The following FAM13C variants were observed in gnomAD, a reference collection of about 807,000 sequenced individuals.
FAM13C encodes family with sequence similarity 13 member C.
Under a neutral mutation model 73.2 loss-of-function variants are expected in FAM13C, and 37 were observed. That is an observed-to-expected ratio of 0.51 (90% CI 0.39 to 0.67). FAM13C has a LOEUF of 0.67. FAM13C is among the 30% of genes least tolerant of loss of function. The probability of loss-of-function intolerance (pLI) is 0.00; values close to 1 mark genes in which losing one functional copy is unlikely to be tolerated. For missense variants in FAM13C, 589 were observed against 715.6 expected (o/e 0.82, Z 2.02); for synonymous variants, 246 against 260.9 (o/e 0.94, Z 0.55).
chr10:59,250,449 A>C (rs1841263608), intron 13 of FAM13C, among the ~76,000 whole-genome samples: 1 of 152,254 alleles, frequency 6.6e-6, no homozygotes, highest in Non-Finnish European at 1.5e-5. Context: ...GATTGTAAGT[A>C]GAAAATAAGT....
rs187875803 is a variant in FAM13C, at chr10:59,279,483, A to G, written c.592+3880T>C. On this transcript the variant is annotated intron_variant, in intron 6 of 13. Coordinates refer to ENST00000618804, the MANE Select transcript of FAM13C (RefSeq NM_198215.4). ...ATCAAGATTTTAGAAAAATATAATA[A>G]AGTACTGCTATGGAATTATTATTTT... Among the ~76,000 whole-genome samples, 23 of 152,330 alleles carry G rather than the reference A, an allele frequency of 1.5e-4. No homozygotes were observed. The East Asian group carries it at 3.7e-3, about 24-fold the overall frequency.
chr10:59,304,906 G>T (rs79574254), intron 4 of FAM13C, among the ~76,000 whole-genome samples: 4,692 of 150,428 alleles, frequency 0.031, 137 homozygotes, highest in Admixed American at 0.087. Flanking sequence ...GTTGAAAAGA[G>T]TCTGGCTTCC....
chr10:59,320,721 C>G (rs901995394), intron 4 of FAM13C, among the ~76,000 whole-genome samples: 3 of 152,214 alleles, frequency 2.0e-5, no homozygotes, highest in Non-Finnish European at 4.4e-5. Flanking sequence ...TTCGTTACAG[C>G]TCGGCGTTTG....
At chr10:59,296,557 G>A (rs1846949142) in intron 5 of FAM13C, among the ~76,000 whole-genome samples, 1 of 152,114 alleles carries the variant, frequency 6.6e-6, no homozygotes, top group Non-Finnish European at 1.5e-5. Flanking sequence ...CTCCTTTGTA[G>A]AATAAGACTG....
intron 5 of FAM13C, among the ~76,000 whole-genome samples, chr10:59,297,661 T>C (rs759312879): frequency 2.0e-5 from 3 of 152,208 alleles, no homozygotes; most frequent in Non-Finnish European, 4.4e-5. Flanking sequence ...CACTTCACTA[T>C]GGCTGGCTGC....
Position 59,247,518 on chromosome 10 carries a change from A to AT in FAM13C, c.*95dup. 1 of 1,513,288 alleles carries AT rather than the reference A, an allele frequency of 6.6e-7. No homozygotes were observed. The highest frequency in any genetic ancestry group is 9.1e-7 in the Non-Finnish European group (1 of 1,103,124). The allele number at this position is 1,513,288 out of a possible 1,614,324, so 93.7% of individuals were successfully genotyped here. A position where few individuals can be genotyped will look rare whatever the true frequency, so the allele number is the denominator to read the frequency against. ...CTAATACTACCACTAAAGTGCTTCC[A>AT]TTTTCATTGTGTCAAAACTACTTAG... On this transcript the variant is annotated 3_prime_UTR_variant, in exon 14 of 14. Coordinates refer to ENST00000618804, the MANE Select transcript of FAM13C (RefSeq NM_198215.4).
At chr10:59,278,031 C>A (rs1844512259) in intron 6 of FAM13C, among the ~76,000 whole-genome samples, 1 of 152,150 alleles carries the variant, frequency 6.6e-6, no homozygotes, top group Admixed American at 6.5e-5. Flanking sequence ...GCTGTGGAAG[C>A]CTAACATTCA....
At chr10:59,356,323 A>G (rs1219182727) in intron 1 of FAM13C, among the ~76,000 whole-genome samples, 1 of 152,194 alleles carries the variant, frequency 6.6e-6, no homozygotes, top group African/African-American at 2.4e-5. Flanking sequence ...TTTCTGCTTC[A>G]GGCAGTCCCA....
intron 11 of FAM13C, among the ~76,000 whole-genome samples, 182 bp from the exon 12 acceptor site, chr10:59,253,180 A>G (rs1472906077): frequency 1.3e-5 from 2 of 152,224 alleles, no homozygotes; most frequent in East Asian, 3.8e-4. Context: ...TTAAAAACCT[A>G]CAGAAGTTAA....
intron 1 of FAM13C, among the ~76,000 whole-genome samples, chr10:59,360,388 A>T (rs1856246752): frequency 6.6e-6 from 1 of 152,154 alleles, no homozygotes; most frequent in South Asian, 2.1e-4. Flanking sequence ...GGGTGGGGAC[A>T]GGAGGCAGAG....
At chr10:59,267,462 G>A (rs968069870) in intron 8 of FAM13C, among the ~76,000 whole-genome samples, 1 of 152,142 alleles carries the variant, frequency 6.6e-6, no homozygotes, top group African/African-American at 2.4e-5. Flanking sequence ...CTTCTGCTCT[G>A]TAAAAGACAA....
intron 6 of FAM13C, among the ~76,000 whole-genome samples, chr10:59,279,989 C>A (rs1298180622): frequency 6.6e-6 from 1 of 152,140 alleles, no homozygotes; most frequent in Non-Finnish European, 1.5e-5. Context: ...GGGAAGAGGG[C>A]AAGCTAGCTT....
intron 10 of FAM13C, among the ~76,000 whole-genome samples, chr10:59,255,641 G>C (rs1841882433): frequency 6.6e-6 from 1 of 152,038 alleles, no homozygotes; most frequent in African/African-American, 2.4e-5. Flanking sequence ...TTTTATCAAA[G>C]TACACACACC....
intron 4 of FAM13C, among the ~76,000 whole-genome samples, chr10:59,312,537 C>G (rs535659947): frequency 1.6e-4 from 24 of 152,274 alleles, no homozygotes; most frequent in African/African-American, 5.8e-4. Flanking sequence ...TAATGTCAAT[C>G]TGAGTCTGTC....
At chr10:59,310,283 G>T (rs1848767512) in intron 4 of FAM13C, among the ~76,000 whole-genome samples, 1 of 152,078 alleles carries the variant, frequency 6.6e-6, no homozygotes, top group South Asian at 2.1e-4. Context: ...CTGTATGACT[G>T]GTGTTTCCTG....
rs190704684 is a variant in FAM13C, at chr10:59,334,261, T to A, written c.325-10155A>T. 2.2e-3 allele frequency among the ~76,000 whole-genome samples: 335 copies of A among 152,248 alleles called. 3 individuals are homozygous for A. The highest frequency in any genetic ancestry group is 7.9e-3 in the African/African-American group (329 of 41,570). Reference sequence around the variant, plus strand: ...GGTGCTATCTCAAACTAAAAACAAATTAACAACTATAATAAAGCAAATCCT... The same window carrying A: ...GGTGCTATCTCAAACTAAAAACAAAATAACAACTATAATAAAGCAAATCCT... On this transcript the variant is annotated intron_variant, in intron 3 of 13. Transcript: ENST00000618804.
At position 59,295,363 on chromosome 10, in the gene FAM13C, A is replaced by G. The variant is rs944079156; in HGVS notation, c.507+7438T>C. Reference sequence around the variant, plus strand: ...CAACATTATAGAAATTCAAAGCACAAGAAGGATTTGCCACGCTGTTGCTGG... The same window carrying G: ...CAACATTATAGAAATTCAAAGCACAGGAAGGATTTGCCACGCTGTTGCTGG... On this transcript the variant is annotated intron_variant, in intron 5 of 13. Transcript: ENST00000618804. Among the ~76,000 whole-genome samples the G allele has an allele frequency of 2.0e-5, 3 of 152,338 alleles. No homozygotes were observed. In the East Asian group the frequency reaches 5.8e-4, roughly 29 times the overall value.
In FAM13C at chr10:59,255,707, A is replaced by T. The variant is rs530052912; in HGVS notation, c.1237-1264T>A. Among the ~76,000 whole-genome samples the T allele has an allele frequency of 1.3e-4, 20 of 152,172 alleles. No homozygotes were observed. In the South Asian group the frequency reaches 4.0e-3, roughly 30 times the overall value. Reference sequence around the variant, plus strand: ...TCTGTCTCCCTTGAAAGAAAAGAAAATGTCTCAAACATGTGTTACACTTCC... The same window carrying T: ...TCTGTCTCCCTTGAAAGAAAAGAAATTGTCTCAAACATGTGTTACACTTCC... On this transcript the variant is annotated intron_variant, in intron 10 of 13. Coordinates refer to ENST00000618804, the MANE Select transcript of FAM13C (RefSeq NM_198215.4).
At chr10:59,249,178 G>A (rs914512556) in intron 13 of FAM13C, among the ~76,000 whole-genome samples, 3 of 152,142 alleles carry the variant, frequency 2.0e-5, no homozygotes, top group Non-Finnish European at 4.4e-5. Context: ...GCCGAGGCGG[G>A]CGGATCACAA....
Sources: gnomAD v4.1 joint callset for allele counts (sites outside exome capture counted in the v4.1 genomes callset) on GRCh38, gnomAD v4.1.1 for gene constraint, MANE v1.5 for transcripts, NCBI Gene and HGNC (gene_info 2026-07-23, HGNC 2026-07-21) for gene names.